TMEM108: variants seen among roughly 807,000 people sequenced by gnomAD.
TMEM108 encodes cancer/testis antigen 124.
In TMEM108, 12 loss-of-function variants were observed where a neutral mutation model predicts 35.1. The ratio of observed to expected loss-of-function variants is 0.34; its 90% CI spans 0.22 to 0.55. The LOEUF is 0.55. Ranked by LOEUF, TMEM108 falls within the 20% of genes least tolerant of loss-of-function variation. The pLI is 0.89. For missense variants in TMEM108, 680 were observed against 753.3 expected, an observed-to-expected ratio of 0.90 and a Z score of 1.14; for synonymous variants, 287 against 308.6, an observed-to-expected ratio of 0.93 and a Z score of 0.73.
At chr3:133,355,376 G>A (rs982605139) in intron 3 of TMEM108, among the ~76,000 whole-genome samples, 2 of 152,104 alleles carry the variant, frequency 1.3e-5, no homozygotes, top group Non-Finnish European at 2.9e-5. Flanking sequence ...GACTCATGAC[G>A]TAGTTACCAT....
chr3:133,177,832 G>A (rs1945260943), intron 2 of TMEM108, among the ~76,000 whole-genome samples: 1 of 152,052 alleles, frequency 6.6e-6, no homozygotes, highest in South Asian at 2.1e-4. Context: ...GCAGGAGAAG[G>A]AAATAAAGGG....
At chr3:133,333,644 A>C (rs1487290194) in intron 3 of TMEM108, among the ~76,000 whole-genome samples, 1 of 152,238 alleles carries the variant, frequency 6.6e-6, no homozygotes, top group Non-Finnish European at 1.5e-5. Flanking sequence ...TTGACGTGGC[A>C]TAAAAGGCTT....
intron 1 of TMEM108, among the ~76,000 whole-genome samples, chr3:133,043,374 G>C (rs1022070138): frequency 3.3e-5 from 5 of 152,200 alleles, no homozygotes; most frequent in Admixed American, 3.3e-4. Flanking sequence ...TAGGGTGGAA[G>C]AGTGTTAGGG....
chr3:133,046,833 G>T (rs1943345327), intron 2 of TMEM108, among the ~76,000 whole-genome samples: 1 of 137,590 alleles, frequency 7.3e-6, no homozygotes, highest in Non-Finnish European at 1.6e-5. Context: ...GCTGAGGATG[G>T]TTAAGAATGA....
intron 3 of TMEM108, among the ~76,000 whole-genome samples, chr3:133,260,794 C>T (rs1946612638): frequency 6.6e-6 from 1 of 152,086 alleles, no homozygotes; most frequent in South Asian, 2.1e-4. Flanking sequence ...ATTACATAGT[C>T]AGGCAAGAAG....
chr3:133,318,292 C>G (rs1212432495), intron 3 of TMEM108, among the ~76,000 whole-genome samples: 2 of 152,180 alleles, frequency 1.3e-5, no homozygotes, highest in Non-Finnish European at 2.9e-5. Context: ...TACTTTCACT[C>G]CAGTGACAGC....
At position 133,229,296 on chromosome 3, in the gene TMEM108, A is replaced by G; in HGVS notation, c.-16A>G. 6.2e-7 allele frequency: 1 copy of G among 1,611,294 alleles called. No homozygotes were observed. The highest frequency in any genetic ancestry group is 8.5e-7 in the Non-Finnish European group (1 of 1,178,728). On this transcript the variant is annotated 5_prime_UTR_variant, in exon 3 of 6. Coordinates refer to ENST00000321871, the MANE Select transcript of TMEM108 (RefSeq NM_023943.4). ...ATCATGAATAAACTGGAGGATAAGC[A>G]GGACCAGATGATACCATGAAGAGAA...
At chr3:133,190,697 C>T (rs909830543) in intron 2 of TMEM108, among the ~76,000 whole-genome samples, 1 of 152,152 alleles carries the variant, frequency 6.6e-6, no homozygotes, top group Admixed American at 6.5e-5. Context: ...TCTAATCAGC[C>T]ATATCTCTTC....
chr3:133,277,290 G>T (rs541193342), intron 3 of TMEM108, among the ~76,000 whole-genome samples: 19 of 152,082 alleles, frequency 1.2e-4, no homozygotes, highest in Non-Finnish European at 2.2e-4. Context: ...AAGGGTAAAA[G>T]ATTTCTTTAT....
intron 2 of TMEM108, among the ~76,000 whole-genome samples, chr3:133,131,607 A>C (rs1944491517): frequency 6.6e-6 from 1 of 151,254 alleles, no homozygotes; most frequent in African/African-American, 2.4e-5. Context: ...CAACGGTTCT[A>C]CTTCTGTCCC....
chr3:133,325,054 A>G lies in TMEM108; in HGVS notation c.41-54698A>G, dbSNP rs560236550. ...CATGTTTATAGCATCACAATTCACA[A>G]TTGCAAAGGTATGGAACCAGCGTAA... On this transcript the variant is annotated intron_variant, in intron 3 of 5. Transcript: ENST00000321871. 2.7e-4 allele frequency among the ~76,000 whole-genome samples: 41 copies of G among 152,282 alleles called. 1 individual carries two copies. The highest frequency in any genetic ancestry group is 2.7e-3 in the Admixed American group (41 of 15,292).
chr3:133,240,061 A>G (rs1946291730), intron 3 of TMEM108, among the ~76,000 whole-genome samples: 1 of 152,184 alleles, frequency 6.6e-6, no homozygotes, highest in Admixed American at 6.5e-5. Flanking sequence ...CTTGGTCTTG[A>G]CTGCTTATTG....
chr3:133,321,889 T>C (rs559654468), intron 3 of TMEM108, among the ~76,000 whole-genome samples: 12 of 152,204 alleles, frequency 7.9e-5, no homozygotes, highest in African/African-American at 2.4e-4. Context: ...CTCAAAACTA[T>C]AGAAATACAT....
intron 3 of TMEM108, among the ~76,000 whole-genome samples, chr3:133,367,007 C>A (rs2072519084): frequency 6.6e-6 from 1 of 152,224 alleles, no homozygotes; most frequent in South Asian, 2.1e-4. Context: ...GTTGATATAG[C>A]ATTTTCACTT....
chr3:133,344,887 G>A (rs1235301251), intron 3 of TMEM108, among the ~76,000 whole-genome samples: 10 of 151,690 alleles, frequency 6.6e-5, no homozygotes, highest in Admixed American at 5.9e-4. Flanking sequence ...AATTATATAG[G>A]AAGTCAGAAT....
At chr3:133,095,883 G>T (rs1217443375) in intron 2 of TMEM108, among the ~76,000 whole-genome samples, 1 of 152,142 alleles carries the variant, frequency 6.6e-6, no homozygotes, top group Admixed American at 6.5e-5. Flanking sequence ...TGGCCTAGGG[G>T]TTTGGGACCC....
chr3:133,134,048 C>T (rs1944530004), intron 2 of TMEM108, among the ~76,000 whole-genome samples: 1 of 151,994 alleles, frequency 6.6e-6, no homozygotes, highest in Admixed American at 6.5e-5. Flanking sequence ...AGGCATGAGC[C>T]ACCGCTCCCT....
chr3:133,123,906 C>T (rs1944384332), intron 2 of TMEM108, among the ~76,000 whole-genome samples: 1 of 152,140 alleles, frequency 6.6e-6, no homozygotes, highest in Non-Finnish European at 1.5e-5. Context: ...AAATGCCTAT[C>T]TAGTAGCTTT....
chr3:133,045,691 G>T (rs986367808), intron 1 of TMEM108, among the ~76,000 whole-genome samples: 1 of 152,190 alleles, frequency 6.6e-6, no homozygotes. Flanking sequence ...TTTTGTCAGC[G>T]TGGGTACCTG....
Sources: allele counts gnomAD v4.1 joint callset (sites outside exome capture counted in the v4.1 genomes callset), GRCh38; gene constraint gnomAD v4.1.1; transcripts MANE v1.5; gene names NCBI Gene and HGNC (gene_info 2026-07-23, HGNC 2026-07-21).